Variants in EFR3B observed in about 807,000 individuals in gnomAD.
EFR3B encodes EFR3 homolog B.
Under a neutral mutation model 104.7 loss-of-function variants are expected in EFR3B, and 64 were observed. That is an observed-to-expected ratio of 0.61 (90% CI 0.50 to 0.75). The LOEUF is 0.75. Ranked by LOEUF, EFR3B falls within the 30% of genes least tolerant of loss-of-function variation. EFR3B has a pLI of 0.00. For missense variants in EFR3B, 750 were observed against 1,078.5 expected (o/e 0.70, Z 4.27); for synonymous variants, 385 against 417.9 (o/e 0.92, Z 0.96).
intron 3 of EFR3B, among the ~76,000 whole-genome samples, chr2:25,094,769 A>AT (rs770742570): frequency 6.6e-6 from 1 of 151,796 alleles, no homozygotes; most frequent in East Asian, 1.9e-4. Flanking sequence ...AAAGAATCAA[A>AT]TTTTTTATTA....
At chr2:25,075,706 A>G (rs1668614711) in intron 1 of EFR3B, among the ~76,000 whole-genome samples, 1 of 152,238 alleles carries the variant, frequency 6.6e-6, no homozygotes, top group African/African-American at 2.4e-5. Context: ...ACAAGTCAAC[A>G]TATTAGATAA....
chr2:25,103,080 C>T (rs759768822), intron 3 of EFR3B, among the ~76,000 whole-genome samples: 39 of 152,186 alleles, frequency 2.6e-4, no homozygotes, highest in Non-Finnish European at 4.6e-4. Context: ...AGCCATCTCT[C>T]TCCATCCTTG....
chr2:25,071,151 G>T (rs1457428228), intron 1 of EFR3B, among the ~76,000 whole-genome samples: 2 of 152,024 alleles, frequency 1.3e-5, no homozygotes, highest in Non-Finnish European at 2.9e-5. Context: ...TAGTAGAGAC[G>T]GGGTTTCACT....
At chr2:25,123,891 G>A (rs903456348) in intron 5 of EFR3B, among the ~76,000 whole-genome samples, 2 of 152,240 alleles carry the variant, frequency 1.3e-5, no homozygotes, top group African/African-American at 4.8e-5. Flanking sequence ...AGGATCAGGA[G>A]TTTCCTGAAC....
At chr2:25,066,530 C>G (rs1573175936) in intron 1 of EFR3B, among the ~76,000 whole-genome samples, 1 of 152,142 alleles carries the variant, frequency 6.6e-6, no homozygotes, top group East Asian at 1.9e-4. Context: ...GAATGCCTTC[C>G]TTTCTTGTCT....
At chr2:25,150,027 C>T (rs1307751961) in intron 20 of EFR3B, among the ~76,000 whole-genome samples, 1 of 152,186 alleles carries the variant, frequency 6.6e-6, no homozygotes, top group Non-Finnish European at 1.5e-5. Flanking sequence ...GTTGGCCAGG[C>T]ATGGTGGCTC....
At chr2:25,063,302 C>T (rs1375750055) in intron 1 of EFR3B, among the ~76,000 whole-genome samples, 1 of 152,178 alleles carries the variant, frequency 6.6e-6, no homozygotes, top group Non-Finnish European at 1.5e-5. Flanking sequence ...ACAGTAATGT[C>T]ATTCTCCTAA....
At chr2:25,047,275 C>G (rs1016290260) in intron 1 of EFR3B, among the ~76,000 whole-genome samples, 20 of 152,026 alleles carry the variant, frequency 1.3e-4, no homozygotes, top group Non-Finnish European at 2.8e-4. Flanking sequence ...TCTTTTTGAT[C>G]CTGGCTTCAA....
chr2:25,076,479 C>T lies in EFR3B; in HGVS notation c.8-14846C>T, dbSNP rs531906240. On this transcript the variant is annotated intron_variant, in intron 1 of 22. Coordinates refer to ENST00000403714, the MANE Select transcript of EFR3B (RefSeq NM_014971.2). ...ACCACAACCCTATTAAGTAGATTCC[C>T]TTCCTTCCATTTTGCGGATAAGTAG... Among the ~76,000 whole-genome samples, 207 of 152,150 alleles carry T rather than the reference C, an allele frequency of 1.4e-3. 1 individual carries two copies. Among genetic ancestry groups the T allele is most frequent in the African/African-American group, 4.7e-3 (196 of 41,514 alleles).
At chr2:25,126,306 A>G (rs2149202948) in intron 5 of EFR3B, among the ~76,000 whole-genome samples, 1 of 151,916 alleles carries the variant, frequency 6.6e-6, no homozygotes, top group South Asian at 2.1e-4. Context: ...CTTCCACCCC[A>G]GCCTCCTGAG....
At position 25,103,639 on chromosome 2, in the gene EFR3B, A is replaced by G; in HGVS notation, c.215A>G (p.Tyr72Cys). The G allele has an allele frequency of 1.3e-6, 2 of 1,549,840 alleles. No homozygotes were observed. Among genetic ancestry groups the G allele is most frequent in the East Asian group, 4.9e-5 (2 of 40,888 alleles). The change falls in exon 4 of 23, where the codon TAC becomes TGC. Residue 72 changes from tyrosine to cysteine, a missense_variant and splice_region_variant. By Grantham distance (194) the Tyr-to-Cys change is radical (BLOSUM62 -2). Transcript: ENST00000403714. ...ACGGCATGTGCTGCCCTCCCCAGGTACGTGTGCATTGCTATGGAGGCTTTG... is the reference window on the plus strand; with the variant it reads ...ACGGCATGTGCTGCCCTCCCCAGGTGCGTGTGCATTGCTATGGAGGCTTTG... The part of the protein sequence containing the change: ...IRDVGRHRYG[Y>C]VCIAMEALDQ...
At chr2:25,117,021 G>A (rs1221619658) in intron 4 of EFR3B, among the ~76,000 whole-genome samples, 2 of 152,214 alleles carry the variant, frequency 1.3e-5, no homozygotes, top group Non-Finnish European at 2.9e-5. Flanking sequence ...TGCACTGGCT[G>A]TGTGACTTGA....
chr2:25,141,344 T>C (rs1035013332), intron 16 of EFR3B, 22 bp from the exon 17 acceptor site: 13 of 1,550,666 alleles, frequency 8.4e-6, no homozygotes, highest in Non-Finnish European at 1.0e-5. Flanking sequence ...CCAGCTCTTA[T>C]CTGATTCCTC....
At chr2:25,077,590 A>G (rs979144477) in intron 1 of EFR3B, among the ~76,000 whole-genome samples, 4 of 152,238 alleles carry the variant, frequency 2.6e-5, no homozygotes, top group African/African-American at 9.6e-5. Flanking sequence ...TGCCTGGCCG[A>G]AAGGCCTTCA....
At position 25,136,492 on chromosome 2, in the gene EFR3B, G is replaced by A; in HGVS notation, c.1485-31G>A. 1 of 1,537,082 alleles carries A rather than the reference G, an allele frequency of 6.5e-7. No homozygotes were observed. Among genetic ancestry groups the A allele is most frequent in the Non-Finnish European group, 8.8e-7 (1 of 1,134,130 alleles). ...TGAGCTCAGGCTGGCCTCATGCAAG[G>A]GCTAAGGAGGCCCTTTGCATCCCTT... On this transcript the variant is annotated intron_variant, in intron 13 of 22. Transcript: ENST00000403714. The surrounding 1 kb of genome is among the most constrained non-coding windows in gnomAD (Gnocchi z 4.0).
At chr2:25,051,728 C>A (rs1226595029) in intron 1 of EFR3B, among the ~76,000 whole-genome samples, 1 of 147,540 alleles carries the variant, frequency 6.8e-6, no homozygotes, top group Non-Finnish European at 1.5e-5. Flanking sequence ...CTCCGCTTCC[C>A]GGGTTCAAGT....
intron 1 of EFR3B, chr2:25,081,261 CT>C: frequency 2.9e-6 from 3 of 1,046,352 alleles, no homozygotes; most frequent in Non-Finnish European, 2.9e-6. Context: ...TTTGAGGCCA[CT>C]TTCAAATGTT....
chr2:25,089,668 CA>C (rs1669058332), intron 1 of EFR3B, among the ~76,000 whole-genome samples: 1 of 152,094 alleles, frequency 6.6e-6, no homozygotes, highest in Non-Finnish European at 1.5e-5. Flanking sequence ...TGTCCCATCA[CA>C]AGAAATAACC....
intron 21 of EFR3B, 26 bp downstream of exon 21, chr2:25,152,046 T>G: frequency 6.5e-7 from 1 of 1,548,720 alleles, no homozygotes. Context: ...CATGGGCGAG[T>G]CCCTGGGAGC....
Sources: gnomAD v4.1 joint callset for allele counts (sites outside exome capture counted in the v4.1 genomes callset) on GRCh38, gnomAD v4.1.1 for gene constraint, Gnocchi (gnomAD v3.1) non-coding constraint, MANE v1.5 for transcripts, NCBI Gene and HGNC (gene_info 2026-07-23, HGNC 2026-07-21) for gene names.